The following LPGAT1 variants were observed in gnomAD, a reference collection of about 807,000 sequenced individuals.
The protein encoded by LPGAT1 is lysophosphatidylglycerol acyltransferase 1.
A neutral mutation model predicts 47.5 loss-of-function variants in LPGAT1; 11 were observed. That is an observed-to-expected ratio of 0.23 (90% CI 0.15 to 0.38). The LOEUF is 0.38. Among genes scored for constraint, LPGAT1 ranks in the 10% least tolerant of loss-of-function variants. The pLI is 1.00. For synonymous variants in LPGAT1, 138 were observed against 144.2 expected (o/e 0.96, Z 0.31); for missense variants, 293 against 439.0 (o/e 0.67, Z 2.97).
At position 211,746,124 on chromosome 1, in the gene LPGAT1, C is replaced by G. The variant is rs1291788740; in HGVS notation, c.*3775G>C. ...GGCTACTCTCTATGATTAACCAGGT[C>G]CAACTAGTTCAGAAGAGTCTTTAAG... On this transcript the variant is annotated 3_prime_UTR_variant, in exon 8 of 8. Coordinates refer to ENST00000366997, the MANE Select transcript of LPGAT1 (RefSeq NM_014873.3). The G allele has an allele frequency of 6.6e-6, 1 of 152,594 alleles. No individual in the cohort carries two copies. The highest frequency in any genetic ancestry group is 1.5e-5 in the Non-Finnish European group (1 of 68,036). The allele number at this position is 152,594 out of a possible 1,614,324, so 9.5% of individuals were successfully genotyped here. A position where few individuals can be genotyped will look rare whatever the true frequency, so the allele number is the denominator to read the frequency against.
At chr1:211,826,229 C>T (rs914497675) in intron 2 of LPGAT1, among the ~76,000 whole-genome samples, 2 of 152,062 alleles carry the variant, frequency 1.3e-5, no homozygotes, top group Non-Finnish European at 2.9e-5. Flanking sequence ...ATTTACAGGG[C>T]TCATTTTTGT....
chr1:211,773,051 C>T (rs1056659406), intron 6 of LPGAT1, among the ~76,000 whole-genome samples: 28 of 152,100 alleles, frequency 1.8e-4, no homozygotes, highest in African/African-American at 6.8e-4. Flanking sequence ...TTTAATAATA[C>T]TCTGCAAACT....
chr1:211,749,716 T>G lies in LPGAT1; in HGVS notation c.*183A>C. The stretch of plus-strand genomic sequence containing the variant: ...TTCTTAAAATATATTAGCAGGTCAT[T>G]ATATTACTAATCCTCATTTTAGTAG... On this transcript the variant is annotated 3_prime_UTR_variant, in exon 8 of 8. Transcript: ENST00000366997. 1 of 613,088 alleles carries G rather than the reference T, an allele frequency of 1.6e-6. No homozygotes were observed. The highest frequency in any genetic ancestry group is 2.8e-6 in the Non-Finnish European group (1 of 353,260). The allele number at this position is 613,088 out of a possible 1,614,324, so 38.0% of individuals were successfully genotyped here. A position where few individuals can be genotyped will look rare whatever the true frequency, so the allele number is the denominator to read the frequency against.
At chr1:211,822,793 A>T (rs552929969) in intron 2 of LPGAT1, among the ~76,000 whole-genome samples, 7 of 139,728 alleles carry the variant, frequency 5.0e-5, no homozygotes, top group African/African-American at 1.9e-4. Flanking sequence ...AAAAAAAAAA[A>T]TCAGTTGTCA....
At chr1:211,820,528 G>A (rs1246020105) in intron 2 of LPGAT1, among the ~76,000 whole-genome samples, 4 of 137,270 alleles carry the variant, frequency 2.9e-5, no homozygotes, top group African/African-American at 1.0e-4. Flanking sequence ...GCATGAATTG[G>A]TAGAACTAAA....
intron 6 of LPGAT1, among the ~76,000 whole-genome samples, chr1:211,763,737 G>A (rs764551788): frequency 3.3e-5 from 5 of 152,138 alleles, no homozygotes; most frequent in Non-Finnish European, 4.4e-5. Flanking sequence ...GATTATAAAT[G>A]TTTTAATAGC....
intron 2 of LPGAT1, among the ~76,000 whole-genome samples, chr1:211,798,430 A>G (rs1455470630): frequency 1.3e-5 from 2 of 152,166 alleles, no homozygotes; most frequent in African/African-American, 4.8e-5. Context: ...CATACCTGTA[A>G]TCCCAGCACT....
At chr1:211,789,656 C>A (rs991198449) in intron 3 of LPGAT1, among the ~76,000 whole-genome samples, 3 of 152,012 alleles carry the variant, frequency 2.0e-5, no homozygotes, top group African/African-American at 7.2e-5. Flanking sequence ...CTGAGGTGGG[C>A]GGATCACGAG....
At chr1:211,813,440 G>A (rs915255430) in intron 2 of LPGAT1, among the ~76,000 whole-genome samples, 2 of 152,104 alleles carry the variant, frequency 1.3e-5, no homozygotes, top group East Asian at 3.8e-4. Flanking sequence ...TGACTACGAA[G>A]CAGGGGTCCT....
rs1026355662 is a variant in LPGAT1, at chr1:211,755,274, G to A, written c.855-4207C>T. Among the ~76,000 whole-genome samples, 12 of 151,728 alleles carry A rather than the reference G, an allele frequency of 7.9e-5. No individual in the cohort carries two copies. The East Asian group carries it at 1.7e-3, about 22-fold the overall frequency. ...AACTGCTTGAATCTAGGAGGTGGAC[G>A]TTGCAGTGAGCCAGGATCGCACCAC... On this transcript the variant is annotated intron_variant, in intron 6 of 7. Coordinates refer to ENST00000366997, the MANE Select transcript of LPGAT1 (RefSeq NM_014873.3).
rs1369880952 is a variant in LPGAT1 at position 211,782,642 on chromosome 1, G to A, written c.727+587C>T. Among the ~76,000 whole-genome samples the A allele has an allele frequency of 4.6e-5, 7 of 152,172 alleles. No individual in the cohort carries two copies. In the East Asian group the frequency reaches 1.2e-3, roughly 25 times the overall value. ...CCCAGCTACTCAGGAGGTTGAGGTG[G>A]GAAGATCGCTTGAGCCCAGGAATTC... On this transcript the variant is annotated intron_variant, in intron 5 of 7. Transcript: ENST00000366997.
chr1:211,791,746 C>CAAAAAAA (rs1195989474), intron 3 of LPGAT1, among the ~76,000 whole-genome samples: 1 of 36,404 alleles, frequency 2.7e-5, no homozygotes, highest in Non-Finnish European at 6.2e-5. Context: ...GACTCCATCT[C>CAAAAAAA]AAAAAAAAAA....
rs114767327 is a variant in LPGAT1, at chr1:211,808,563, A to G, written c.239-15373T>C. On this transcript the variant is annotated intron_variant, in intron 2 of 7. Coordinates refer to ENST00000366997, the MANE Select transcript of LPGAT1 (RefSeq NM_014873.3). ...CATTTACTAAAATGAGTACAATTTTAAAATATTGGCAATACCAAGAGCTAG... is the reference window on the plus strand; with the variant it reads ...CATTTACTAAAATGAGTACAATTTTGAAATATTGGCAATACCAAGAGCTAG... Among the ~76,000 whole-genome samples, 1,336 of 152,346 alleles carry G rather than the reference A, an allele frequency of 8.8e-3. 21 individuals carry two copies. Among genetic ancestry groups the G allele is most frequent in the African/African-American group, 0.031 (1,283 of 41,582 alleles).
intron 2 of LPGAT1, among the ~76,000 whole-genome samples, chr1:211,801,574 T>C (rs1659576209): frequency 6.6e-6 from 1 of 151,876 alleles, no homozygotes; most frequent in Admixed American, 6.6e-5. Context: ...AGAACTTAAC[T>C]GGGCATGCTT....
chr1:211,830,156 C>T lies in LPGAT1; in HGVS notation c.-28+417G>A. On this transcript the variant is annotated intron_variant, in intron 1 of 7. Coordinates refer to ENST00000366997, the MANE Select transcript of LPGAT1 (RefSeq NM_014873.3). This position sits in a 1 kb window ranked among gnomAD's most constrained non-coding sequence, Gnocchi z 5.9. ...CGCGGATGTGGAAGGGTCGTGGCGG[C>T]GGGCGCGGCCCGCGCGCCGGGCTCA... The T allele has an allele frequency of 1.0e-6, 1 of 983,310 alleles. No individual in the cohort carries two copies. The allele number at this position is 983,310 out of a possible 1,614,324, so 60.9% of individuals were successfully genotyped here.
chr1:211,797,196 C>T (rs1425537870), intron 2 of LPGAT1, among the ~76,000 whole-genome samples: 1 of 151,994 alleles, frequency 6.6e-6, no homozygotes, highest in African/African-American at 2.4e-5. Context: ...GCAAAGGTTA[C>T]AGTGAGCCAA....
At chr1:211,779,888 A>T (rs1455226773) in intron 5 of LPGAT1, among the ~76,000 whole-genome samples, 1 of 151,402 alleles carries the variant, frequency 6.6e-6, no homozygotes, top group African/African-American at 2.4e-5. Flanking sequence ...AAATAAACAT[A>T]AAAAATTGGC....
intron 4 of LPGAT1, among the ~76,000 whole-genome samples, chr1:211,784,913 C>A (rs940570466): frequency 3.3e-5 from 5 of 151,288 alleles, no homozygotes; most frequent in Non-Finnish European, 7.4e-5. Flanking sequence ...ACGCCATTCT[C>A]CTGCCTCAGC....
rs1304475084 is a variant in LPGAT1, at chr1:211,745,387, CATAAA to C, written c.*4507_*4511del. 1 of 152,136 alleles carries C rather than the reference CATAAA, an allele frequency of 6.6e-6. No individual in the cohort carries two copies. Among genetic ancestry groups the C allele is most frequent in the Non-Finnish European group, 1.5e-5 (1 of 68,014 alleles). 9.4% of individuals were successfully genotyped at this position (152,136 alleles called of 1,614,324 possible). A position where few individuals can be genotyped will look rare whatever the true frequency, so the allele number is the denominator to read the frequency against. ...AAGTATAACTGTCTCATCACCCGAT[CATAAA>C]ATAAGTTACTGTAAAATGCATAGAC... On this transcript the variant is annotated 3_prime_UTR_variant, in exon 8 of 8. Coordinates refer to ENST00000366997, the MANE Select transcript of LPGAT1 (RefSeq NM_014873.3).
Sources: gnomAD v4.1 joint callset for allele counts (sites outside exome capture counted in the v4.1 genomes callset) on GRCh38, gnomAD v4.1.1 for gene constraint, Gnocchi (gnomAD v3.1) non-coding constraint, MANE v1.5 for transcripts, NCBI Gene and HGNC (gene_info 2026-07-23, HGNC 2026-07-21) for gene names.